Variants in ENTPD5 observed in about 807,000 individuals in gnomAD.
The protein encoded by ENTPD5 is ectonucleoside triphosphate diphosphohydrolase 5 (inactive), also known as nucleoside diphosphate phosphatase ENTPD5.
A neutral mutation model predicts 60.2 loss-of-function variants in ENTPD5; 49 were observed. That is an observed-to-expected ratio of 0.81 (90% confidence interval 0.65 to 1.03). The LOEUF is 1.03. Ranked by LOEUF, ENTPD5 falls within the 50% of genes least tolerant of loss-of-function variation. ENTPD5 has a pLI of 0.00. For missense variants in ENTPD5, 480 were observed against 507.6 expected, an observed-to-expected ratio of 0.95 and a Z score of 0.52; for synonymous variants, 187 against 185.4, an observed-to-expected ratio of 1.01 and a Z score of -0.07.
intron 3 of ENTPD5, among the ~76,000 whole-genome samples, chr14:73,990,674 T>A (rs1386086908): frequency 6.6e-6 from 1 of 152,004 alleles, no homozygotes; most frequent in Non-Finnish European, 1.5e-5. Context: ...ATAGGGTTTT[T>A]TTCCATCATT....
At chr14:73,967,100 G>A in intron 15 of ENTPD5, 86 bp from the exon 16 acceptor site, 1 of 1,156,846 alleles carries the variant, frequency 8.6e-7, no homozygotes, top group Non-Finnish European at 1.3e-6. Context: ...TATTGGCAAA[G>A]AATATCCACA....
At chr14:74,010,563 A>T (rs1049164382) in intron 3 of ENTPD5, among the ~76,000 whole-genome samples, 2 of 152,128 alleles carry the variant, frequency 1.3e-5, no homozygotes, top group African/African-American at 2.4e-5. Context: ...TCAAAAAAAA[A>T]AAATAAAAAG....
chr14:73,997,319 T>G (rs1566754163), intron 3 of ENTPD5, among the ~76,000 whole-genome samples: 1 of 152,166 alleles, frequency 6.6e-6, no homozygotes, highest in Non-Finnish European at 1.5e-5. Flanking sequence ...TTGTTAGTTA[T>G]GTCTTTCTGT....
At chr14:73,980,495 C>T (rs141482896) in intron 6 of ENTPD5, among the ~76,000 whole-genome samples, 3,192 of 152,212 alleles carry the variant, frequency 0.021, 102 homozygotes, top group African/African-American at 0.073. Flanking sequence ...AACTCCTGAC[C>T]TCAGGTGATC....
intron 3 of ENTPD5, among the ~76,000 whole-genome samples, chr14:73,999,497 C>CA (rs1020336073): frequency 5.3e-5 from 8 of 150,838 alleles, no homozygotes; most frequent in Middle Eastern, 3.5e-3. Context: ...CCCACCCCCC[C>CA]AAAAAAAACA....
At chr14:74,011,697 C>T (rs1312493112) in intron 2 of ENTPD5, among the ~76,000 whole-genome samples, 2 of 152,130 alleles carry the variant, frequency 1.3e-5, no homozygotes, top group African/African-American at 4.8e-5. Context: ...ACTTGGGAGG[C>T]TGAGACAGGA....
At chr14:73,982,666 G>A (rs1211451184) in intron 6 of ENTPD5, among the ~76,000 whole-genome samples, 2 of 152,248 alleles carry the variant, frequency 1.3e-5, no homozygotes, top group East Asian at 3.9e-4. Context: ...TGAGGCAGGA[G>A]AATGGCATTA....
intron 2 of ENTPD5, among the ~76,000 whole-genome samples, chr14:74,013,586 G>T (rs2058913473): frequency 6.6e-6 from 1 of 151,834 alleles, no homozygotes; most frequent in African/African-American, 2.4e-5. Context: ...GTAGCCCAAG[G>T]AAGCCAAAAG....
chr14:73,977,115 C>T (rs1178413864), intron 7 of ENTPD5, 56 bp from the exon 8 acceptor site: 2 of 1,539,098 alleles, frequency 1.3e-6, no homozygotes, highest in Admixed American at 2.0e-5. Context: ...TCTTTCCTGG[C>T]CCCAACCTTG....
chr14:74,003,360 C>T (rs59814250), intron 3 of ENTPD5: 86,236 of 578,138 alleles, frequency 0.15, 9,432 homozygotes, highest in East Asian at 0.57. Flanking sequence ...GGGTTTCTCT[C>T]AGCCTTAGCG....
chr14:73,967,976 T>A (rs538204114), intron 15 of ENTPD5, among the ~76,000 whole-genome samples: 6 of 151,030 alleles, frequency 4.0e-5, no homozygotes, highest in Non-Finnish European at 5.9e-5. Flanking sequence ...AATACAAAAT[T>A]AGCCAGGCAT....
intron 2 of ENTPD5, among the ~76,000 whole-genome samples, chr14:74,015,181 G>A (rs2058977493): frequency 6.6e-6 from 1 of 151,844 alleles, no homozygotes; most frequent in Non-Finnish European, 1.5e-5. Flanking sequence ...ATCTAAAGTT[G>A]TTCACTTAGA....
chr14:74,005,568 G>A (rs1384490274), intron 3 of ENTPD5, among the ~76,000 whole-genome samples: 1 of 152,104 alleles, frequency 6.6e-6, no homozygotes, highest in Admixed American at 6.6e-5. Flanking sequence ...AGCACTTCGG[G>A]AGGCTGAGGG....
In ENTPD5 at chr14:73,983,623, C is replaced by CAAA. The variant is rs368194848; in HGVS notation, c.298-465_298-463dup. Among the ~76,000 whole-genome samples the CAAA allele has an allele frequency of 1.4e-3, 146 of 104,444 alleles. 1 individual carries two copies. The highest frequency in any genetic ancestry group is 3.2e-3 in the Admixed American group (29 of 9,056). The allele number at this position is 104,444 out of a possible 152,430, so 68.5% of individuals were successfully genotyped here. A position where few individuals can be genotyped will look rare whatever the true frequency, so the allele number is the denominator to read the frequency against. On this transcript the variant is annotated intron_variant, in intron 5 of 15. Coordinates refer to ENST00000334696, the MANE Select transcript of ENTPD5 (RefSeq NM_001249.5). ...TGCGCAACAGAGTGACACTCCATCT[C>CAAA]AAAAAAAAAAAAAAAAGGAGAATCC...
intron 12 of ENTPD5, 149 bp downstream of exon 12, chr14:73,973,728 C>T: frequency 1.5e-6 from 1 of 654,654 alleles, no homozygotes; most frequent in Non-Finnish European, 2.7e-6. Flanking sequence ...TGTCACTTCA[C>T]ATTAGTCCTT....
In ENTPD5 at chr14:73,963,376, G is replaced by GT. The variant is rs1400214858; in HGVS notation, c.*3551dup. 7 of 350,060 alleles carry GT rather than the reference G, an allele frequency of 2.0e-5. No individual in the cohort carries two copies. Among genetic ancestry groups the GT allele is most frequent in the Non-Finnish European group, 3.1e-5 (6 of 194,506 alleles). 21.7% of individuals were successfully genotyped at this position (350,060 alleles called of 1,614,324 possible). A position where few individuals can be genotyped will look rare whatever the true frequency, so the allele number is the denominator to read the frequency against. ...TTTATACAGTTGTTTTTTGATAGAG[G>GT]TAAGAATTAGACTCGATGCATTTTT... On this transcript the variant is annotated 3_prime_UTR_variant, in exon 16 of 16. Transcript: ENST00000334696.
chr14:73,955,821 C>G, downstream of ENTPD5: 1 of 1,614,112 alleles, frequency 6.2e-7, no homozygotes, highest in Non-Finnish European at 8.5e-7. Flanking sequence ...GACGCCTGCT[C>G]AGAGGCCCTG....
chr14:73,976,874 G>A (rs2057466345), intron 8 of ENTPD5, 150 bp downstream of exon 8: 1 of 697,386 alleles, frequency 1.4e-6, no homozygotes, highest in Non-Finnish European at 2.4e-6. Flanking sequence ...CCAAAGCGCT[G>A]GAATTAACAG....
chr14:73,979,756 C>G (rs775882566), intron 6 of ENTPD5, among the ~76,000 whole-genome samples: 8 of 152,066 alleles, frequency 5.3e-5, no homozygotes, highest in Admixed American at 1.3e-4. Context: ...CAGGCGTAAG[C>G]CACTGCACCT....
Sources: gnomAD v4.1 joint callset for allele counts (sites outside exome capture counted in the v4.1 genomes callset) on GRCh38, gnomAD v4.1.1 for gene constraint, MANE v1.5 for transcripts, NCBI Gene and HGNC (gene_info 2026-07-23, HGNC 2026-07-21) for gene names.